NSD2: variants seen among roughly 807,000 people sequenced by gnomAD.
NSD2 encodes the protein histone-lysine N-methyltransferase NSD2.
A neutral mutation model predicts 139.0 loss-of-function variants in NSD2; 12 were observed. The ratio of observed to expected loss-of-function variants is 0.09; its 90% CI spans 0.06 to 0.14. The LOEUF (loss-of-function observed/expected upper bound fraction) is 0.14. NSD2 is among the 10% of genes least tolerant of loss of function. The probability of loss-of-function intolerance (pLI) is 1.00; values close to 1 mark genes in which losing one functional copy is unlikely to be tolerated. For synonymous variants in NSD2, 669 were observed against 648.7 expected (o/e 1.03, Z -0.48); for missense variants, 1,155 against 1,745.0 (o/e 0.66, Z 6.02).
At chr4:1,898,625 A>C (rs1009399913) in intron 1 of NSD2, among the ~76,000 whole-genome samples, 11 of 150,596 alleles carry the variant, frequency 7.3e-5, no homozygotes, top group African/African-American at 2.7e-4. Context: ...GCACCACTGC[A>C]GTCCAACCTG....
intron 9 of NSD2, chr4:1,943,977 C>A: frequency 9.4e-7 from 1 of 1,065,268 alleles, no homozygotes; most frequent in African/African-American, 1.6e-5. Flanking sequence ...GAAAGCAAAA[C>A]CCTGCAAATG....
rs776629477 is a variant in NSD2 at position 1,918,491 on chromosome 4, G to A, written c.1278G>A (p.Thr426=). The change falls in exon 5 of 22, where the codon ACG becomes ACA. Residue 426 remains threonine, a synonymous_variant. Coordinates refer to ENST00000508803, the MANE Select transcript of NSD2 (RefSeq NM_001042424.3). ...PDIGKSTPQK[T]AEADPRRGVG... ...TAGGGAAGAGTACTCCTCAAAAGAC[G>A]GCAGAGGCTGACCCCAGAAGAGGAG... The A allele has an allele frequency of 2.0e-5, 32 of 1,613,950 alleles. No individual in the cohort carries two copies. The highest frequency in any genetic ancestry group is 1.8e-4 in the South Asian group (16 of 91,048).
intron 18 of NSD2, among the ~76,000 whole-genome samples, chr4:1,967,318 G>T (rs1005565892): frequency 1.1e-4 from 16 of 152,232 alleles, no homozygotes; most frequent in Non-Finnish European, 2.9e-5. Context: ...GGTGGCTCAT[G>T]CCTGTAATCC....
intron 1 of NSD2, among the ~76,000 whole-genome samples, chr4:1,891,686 A>G (rs1164567760): frequency 6.6e-6 from 1 of 151,904 alleles, no homozygotes; most frequent in Non-Finnish European, 1.5e-5. Context: ...CCCCATCTCT[A>G]TCAAAAATAC....
At chr4:1,957,288 GT>G (rs201986259) in intron 15 of NSD2, among the ~76,000 whole-genome samples, 57 of 141,320 alleles carry the variant, frequency 4.0e-4, no homozygotes, top group East Asian at 6.1e-4. Flanking sequence ...TTTTGTTTTT[GT>G]TTTTTTTTTT....
chr4:1,906,657 T>C (rs1717947166), intron 3 of NSD2, among the ~76,000 whole-genome samples: 2 of 137,728 alleles, frequency 1.5e-5, no homozygotes, highest in African/African-American at 2.8e-5. Flanking sequence ...TCTCTCTCTT[T>C]TTTTTTTTTT....
At chr4:1,897,861 A>C (rs1716572611) in intron 1 of NSD2, among the ~76,000 whole-genome samples, 1 of 152,168 alleles carries the variant, frequency 6.6e-6, no homozygotes, top group African/African-American at 2.4e-5. Context: ...TCCAGACCAC[A>C]AGTGATCCAC....
intron 5 of NSD2, among the ~76,000 whole-genome samples, chr4:1,922,252 A>T (rs539589863): frequency 1.3e-5 from 2 of 152,366 alleles, no homozygotes; most frequent in East Asian, 3.9e-4. Context: ...TTTTAGAATT[A>T]ATAGAGTTCA....
intron 3 of NSD2, among the ~76,000 whole-genome samples, chr4:1,914,545 C>T (rs569089149): frequency 8.5e-5 from 13 of 152,156 alleles, no homozygotes; most frequent in East Asian, 3.9e-4. Context: ...AGGCTGGTCT[C>T]GAACTCTTGA....
At chr4:1,871,767 C>A (rs1397825269) in intron 1 of NSD2, among the ~76,000 whole-genome samples, 1 of 146,996 alleles carries the variant, frequency 6.8e-6, no homozygotes, top group Non-Finnish European at 1.5e-5. Flanking sequence ...ACCGCGAGGA[C>A]CGCGGAGGCC....
intron 4 of NSD2, 33 bp downstream of exon 4, chr4:1,917,070 C>T (rs1196184795): frequency 1.1e-5 from 16 of 1,523,152 alleles, no homozygotes; most frequent in Non-Finnish European, 1.4e-5. Context: ...ACTTTTAGAC[C>T]AGAAATTTAA....
chr4:1,978,371 C>A (rs573065823), intron 21 of NSD2, among the ~76,000 whole-genome samples: 1 of 152,284 alleles, frequency 6.6e-6, no homozygotes, highest in East Asian at 1.9e-4. Flanking sequence ...CACTCCTGCA[C>A]CCGGCACAGC....
rs1313103764 is a variant in NSD2, at chr4:1,871,556, C to T, written c.-30+14C>T. 1 of 151,406 alleles carries T rather than the reference C, an allele frequency of 6.6e-6. No homozygotes were observed. Among genetic ancestry groups the T allele is most frequent in the South Asian group, 1.9e-4 (1 of 5,286 alleles). 9.4% of individuals were successfully genotyped at this position (151,406 alleles called of 1,614,324 possible). A position where few individuals can be genotyped will look rare whatever the true frequency, so the allele number is the denominator to read the frequency against. ...GACGCACCGCAGGTCACTGGGGCGCCCGCCCAACAGTCGCGGGCCGCCAAC... is the reference window on the plus strand; with the variant it reads ...GACGCACCGCAGGTCACTGGGGCGCTCGCCCAACAGTCGCGGGCCGCCAAC... On this transcript the variant is annotated intron_variant, in intron 1 of 21. Coordinates refer to ENST00000508803, the MANE Select transcript of NSD2 (RefSeq NM_001042424.3).
At chr4:1,940,474 A>C (rs1722974029) in intron 9 of NSD2, 1 of 1,064,002 alleles carries the variant, frequency 9.4e-7, no homozygotes, top group Admixed American at 5.4e-5. Context: ...CGTTGCCAAA[A>C]ACAACAAATA....
chr4:1,978,373 C>T (rs890735884), intron 21 of NSD2, among the ~76,000 whole-genome samples: 3 of 152,098 alleles, frequency 2.0e-5, no homozygotes, highest in South Asian at 2.1e-4. Context: ...CTCCTGCACC[C>T]GGCACAGCTC....
rs778656433 is a variant in NSD2, at chr4:1,980,929, G to A, written c.*2020G>A. 3.0e-5 allele frequency: 7 copies of A among 233,106 alleles called. No homozygotes were observed. Among genetic ancestry groups the A allele is most frequent in the South Asian group, 1.8e-4 (1 of 5,526 alleles). 14.4% of individuals were successfully genotyped at this position (233,106 alleles called of 1,614,324 possible). ...TGGAAGGTTGTTCTAGGGACAGGCCGGGCAGTGTCCCCACACACACCTTAG... is the reference window on the plus strand; with the variant it reads ...TGGAAGGTTGTTCTAGGGACAGGCCAGGCAGTGTCCCCACACACACCTTAG... On this transcript the variant is annotated 3_prime_UTR_variant, in exon 22 of 22. Transcript: ENST00000508803.
intron 1 of NSD2, among the ~76,000 whole-genome samples, chr4:1,872,637 C>CGAGCGAGA (rs1375337847): frequency 1.5e-4 from 12 of 81,848 alleles, no homozygotes; most frequent in East Asian, 5.0e-4. Flanking sequence ...AGAGAGAGAG[C>CGAGCGAGA]GCGCAGACCC....
At chr4:1,947,767 A>G in intron 9 of NSD2, 16 of 1,049,474 alleles carry the variant, frequency 1.5e-5, no homozygotes, top group South Asian at 4.6e-5. Flanking sequence ...ATGTCAGTTT[A>G]TAGAAATATT....
chr4:1,893,998 AT>A (rs1344658733), intron 1 of NSD2: 3 of 152,236 alleles, frequency 2.0e-5, no homozygotes, highest in South Asian at 2.1e-4. Context: ...CGGCATGCTT[AT>A]AGGTTGCTGT....
Sources: gnomAD v4.1 joint callset for allele counts (sites outside exome capture counted in the v4.1 genomes callset) on GRCh38, gnomAD v4.1.1 for gene constraint, MANE v1.5 for transcripts, NCBI Gene and HGNC (gene_info 2026-07-23, HGNC 2026-07-21) for gene names.